The following FABP6 variants were observed in gnomAD, a reference collection of about 807,000 sequenced individuals.
The protein encoded by FABP6 is fatty acid binding protein 6.
In FABP6, 13 loss-of-function variants were observed where a neutral mutation model predicts 14.9. That is an observed-to-expected ratio of 0.87 (90% CI 0.57 to 1.39). The LOEUF is 1.39. Ranked by LOEUF, FABP6 falls within the 40% of genes most tolerant of loss-of-function variation. The probability of loss-of-function intolerance (pLI) is 0.00; values close to 1 mark genes in which losing one functional copy is unlikely to be tolerated. For missense variants in FABP6, 161 were observed against 167.2 expected, an observed-to-expected ratio of 0.96 and a Z score of 0.20; for synonymous variants, 75 against 63.6, an observed-to-expected ratio of 1.18 and a Z score of -0.85.
intron 3 of FABP6, among the ~76,000 whole-genome samples, chr5:160,219,259 C>T (rs538509006): frequency 6.0e-4 from 91 of 152,302 alleles, no homozygotes; most frequent in African/African-American, 2.1e-3. Flanking sequence ...TGTATTCCCA[C>T]CCCCTTCTCC....
chr5:160,193,448 G>A (rs992596615), intron 1 of FABP6, among the ~76,000 whole-genome samples: 3 of 152,186 alleles, frequency 2.0e-5, no homozygotes, highest in East Asian at 1.9e-4. Flanking sequence ...AGCGGGTTGC[G>A]ACTGCTGGCT....
intron 2 of FABP6, chr5:160,204,591 G>A (rs978561375): frequency 9.2e-5 from 14 of 152,180 alleles, no homozygotes; most frequent in African/African-American, 3.4e-4. Context: ...CCGGGTTCAA[G>A]CAATTCTCCT....
chr5:160,236,378 C>A (rs1336461968), intron 3 of FABP6, among the ~76,000 whole-genome samples: 1 of 152,106 alleles, frequency 6.6e-6, no homozygotes, highest in Non-Finnish European at 1.5e-5. Context: ...AACTTAATTA[C>A]CCCCTAAAGG....
At chr5:160,215,605 C>T (rs1220354476) in intron 3 of FABP6, among the ~76,000 whole-genome samples, 2 of 151,026 alleles carry the variant, frequency 1.3e-5, no homozygotes, top group Non-Finnish European at 2.9e-5. Context: ...GAAGGATTGC[C>T]TGAGCCCAGG....
At chr5:160,228,167 G>A (rs1421941411), upstream of FABP6, among the ~76,000 whole-genome samples, 2 of 152,018 alleles carry the variant, frequency 1.3e-5, no homozygotes, top group Non-Finnish European at 2.9e-5. Context: ...TGAGGCAGGC[G>A]GATCACTTGA....
At chr5:160,193,949 G>T (rs190884827) in intron 1 of FABP6, among the ~76,000 whole-genome samples, 1 of 152,240 alleles carries the variant, frequency 6.6e-6, no homozygotes, top group Admixed American at 6.5e-5. Context: ...GGCAGGGGGC[G>T]GCGCTCGTCG....
intron 1 of FABP6, among the ~76,000 whole-genome samples, chr5:160,189,311 G>A (rs955332092): frequency 6.6e-6 from 1 of 151,926 alleles, no homozygotes; most frequent in African/African-American, 2.4e-5. Context: ...GCAGGATATC[G>A]GTTCACTGCA....
chr5:160,214,332 T>G (rs371112917), intron 3 of FABP6, among the ~76,000 whole-genome samples: 5,158 of 151,610 alleles, frequency 0.034, 119 homozygotes, highest in South Asian at 0.059. Context: ...CCTGGTTAAT[T>G]TTTTAAATTT....
chr5:160,222,816 A>G (rs1320878548), intron 3 of FABP6, among the ~76,000 whole-genome samples: 2 of 152,224 alleles, frequency 1.3e-5, no homozygotes, highest in African/African-American at 2.4e-5. Flanking sequence ...GTGTAAAGTA[A>G]TTCAATCCCA....
At chr5:160,212,637 T>G (rs919309587) in intron 2 of FABP6, among the ~76,000 whole-genome samples, 2 of 151,804 alleles carry the variant, frequency 1.3e-5, no homozygotes, top group Middle Eastern at 3.4e-3. Context: ...CCTGGCTAAT[T>G]TTTTTGTATT....
At chr5:160,192,997 A>C (rs1759428446) in intron 1 of FABP6, among the ~76,000 whole-genome samples, 1 of 152,194 alleles carries the variant, frequency 6.6e-6, no homozygotes, top group African/African-American at 2.4e-5. Flanking sequence ...TGTAGTCTGA[A>C]CTACTTGGGA....
chr5:160,213,722 C>A, intron 2 of FABP6: 1 of 1,612,382 alleles, frequency 6.2e-7, no homozygotes. Flanking sequence ...CAGATTATTT[C>A]TCTTCTGACT....
At chr5:160,210,928 A>T (rs1329343518) in intron 2 of FABP6, among the ~76,000 whole-genome samples, 1 of 152,094 alleles carries the variant, frequency 6.6e-6, no homozygotes, top group African/African-American at 2.4e-5. Context: ...GTGGCAGGAG[A>T]GGGGGCAATG....
At chr5:160,236,922 C>T (rs1760529628) in intron 3 of FABP6, among the ~76,000 whole-genome samples, 1 of 151,918 alleles carries the variant, frequency 6.6e-6, no homozygotes, top group Non-Finnish European at 1.5e-5. Flanking sequence ...GCAGAGGTTG[C>T]AGTGAGCAAA....
chr5:160,234,956 C>T lies in FABP6; in HGVS notation c.333+47C>T. The T allele has an allele frequency of 1.3e-6, 2 of 1,556,538 alleles. 1 individual carries two copies. Among genetic ancestry groups the T allele is most frequent in the Middle Eastern group, 3.4e-4 (2 of 5,842 alleles). On this transcript the variant is annotated intron_variant, in intron 3 of 3. Coordinates refer to ENST00000402432, the MANE Select transcript of FABP6 (RefSeq NM_001445.3). ...GGGATGATTATTGGATATTTGTCTG[C>T]CTCTTGGCCACAGCCCCTCAGAAGT...
At chr5:160,224,657 G>A (rs768199048), upstream of FABP6, among the ~76,000 whole-genome samples, 1 of 152,118 alleles carries the variant, frequency 6.6e-6, no homozygotes, top group Non-Finnish European at 1.5e-5. Context: ...GGCTGGGTGT[G>A]GTGGCTCACA....
At chr5:160,219,788 C>T (rs1760093294) in intron 3 of FABP6, among the ~76,000 whole-genome samples, 1 of 152,178 alleles carries the variant, frequency 6.6e-6, no homozygotes, top group African/African-American at 2.4e-5. Context: ...ATCCCCTGGC[C>T]TAGAGCTTCT....
chr5:160,236,039 A>AGAGT (rs138039133), intron 3 of FABP6, among the ~76,000 whole-genome samples: 8,988 of 147,046 alleles, frequency 0.061, 416 homozygotes, highest in East Asian at 0.27. Flanking sequence ...TTTTCGAAAC[A>AGAGT]GAGTCTTGCT....
At chr5:160,229,301 T>C, upstream of FABP6, 1 of 618,476 alleles carries the variant, frequency 1.6e-6, no homozygotes, top group Non-Finnish European at 2.5e-6. Flanking sequence ...CTCAAACCCG[T>C]TGCCATCCTG....
Sources: allele counts gnomAD v4.1 joint callset (sites outside exome capture counted in the v4.1 genomes callset), GRCh38; gene constraint gnomAD v4.1.1; transcripts MANE v1.5; gene names NCBI Gene and HGNC (gene_info 2026-07-23, HGNC 2026-07-21).